The following KCND2 variants were observed in gnomAD, a reference collection of about 807,000 sequenced individuals.
The protein encoded by KCND2 is potassium voltage-gated channel subfamily D member 2.
A neutral mutation model predicts 54.4 loss-of-function variants in KCND2; 16 were observed. That is an observed-to-expected ratio of 0.29 (90% CI 0.20 to 0.45). The LOEUF (loss-of-function observed/expected upper bound fraction) is 0.45. Among genes scored for constraint, KCND2 ranks in the 20% least tolerant of loss-of-function variants. KCND2 has a pLI of 1.00. For missense variants in KCND2, 486 were observed against 824.2 expected, an observed-to-expected ratio of 0.59 and a Z score of 5.02; for synonymous variants, 317 against 310.7, an observed-to-expected ratio of 1.02 and a Z score of -0.21.
At chr7:120,356,940 T>C (rs1800514743) in intron 1 of KCND2, among the ~76,000 whole-genome samples, 1 of 152,140 alleles carries the variant, frequency 6.6e-6, no homozygotes, top group African/African-American at 2.4e-5. Context: ...ACCATGTGCA[T>C]AGGTATTATT....
At chr7:120,284,619 T>G (rs1160839797) in intron 1 of KCND2, among the ~76,000 whole-genome samples, 1 of 152,156 alleles carries the variant, frequency 6.6e-6, no homozygotes, top group Non-Finnish European at 1.5e-5. Context: ...GTCATGGAAT[T>G]TTGACTTGCT....
At chr7:120,686,848 A>T (rs1447306955) in intron 1 of KCND2, among the ~76,000 whole-genome samples, 2 of 152,140 alleles carry the variant, frequency 1.3e-5, no homozygotes, top group African/African-American at 4.8e-5. Context: ...GCTTGAGTCC[A>T]TTACCCAGCT....
intron 1 of KCND2, among the ~76,000 whole-genome samples, chr7:120,499,329 TAATA>T (rs1475531861): frequency 1.2e-4 from 18 of 152,110 alleles, no homozygotes; most frequent in Non-Finnish European, 1.3e-4. Context: ...ATAAAACAAA[TAATA>T]AATCATTTGT....
At chr7:120,283,941 T>G (rs1022421480) in intron 1 of KCND2, among the ~76,000 whole-genome samples, 1 of 152,136 alleles carries the variant, frequency 6.6e-6, no homozygotes, top group African/African-American at 2.4e-5. Context: ...GAGACCATGT[T>G]TATAGCAGAT....
At chr7:120,689,160 C>T (rs1286582438) in intron 1 of KCND2, among the ~76,000 whole-genome samples, 1 of 151,830 alleles carries the variant, frequency 6.6e-6, no homozygotes, top group Non-Finnish European at 1.5e-5. Context: ...AGTAGTGGGC[C>T]GAATTTGGAT....
chr7:120,392,926 GAATA>G (rs1268523434), intron 1 of KCND2, among the ~76,000 whole-genome samples: 4 of 151,936 alleles, frequency 2.6e-5, no homozygotes, highest in African/African-American at 7.2e-5. Flanking sequence ...CTAGCATTAA[GAATA>G]TATATTTAAA....
At chr7:120,311,786 A>G (rs1356602316) in intron 1 of KCND2, among the ~76,000 whole-genome samples, 1 of 152,056 alleles carries the variant, frequency 6.6e-6, no homozygotes, top group Non-Finnish European at 1.5e-5. Flanking sequence ...TTTTCTCATC[A>G]TTTAGCTTCC....
chr7:120,337,346 T>C (rs1281841743), intron 1 of KCND2, among the ~76,000 whole-genome samples: 4 of 152,168 alleles, frequency 2.6e-5, no homozygotes, highest in East Asian at 1.9e-4. Flanking sequence ...AATCTCCTAT[T>C]CAAGCAAAGA....
Position 120,410,907 on chromosome 7 carries a change from T to A in KCND2, c.1115+135160T>A, listed in dbSNP as rs575599484. ...TTTTTTATGGCTGCATAGCATTCCA[T>A]GGTGTATATGTGCCACATTTTCTTA... On this transcript the variant is annotated intron_variant, in intron 1 of 5. Transcript: ENST00000331113. Among the ~76,000 whole-genome samples the A allele has an allele frequency of 4.6e-5, 7 of 152,096 alleles. No homozygotes were observed. In the South Asian group the frequency reaches 1.5e-3, roughly 32 times the overall value.
chr7:120,363,136 A>G lies in KCND2; in HGVS notation c.1115+87389A>G, dbSNP rs139204614. ...GGAAACACTGTGAGACCTTGTCTCT[A>G]CAAAAATATGTTAGCCAGGTATGGT... is the stretch of plus-strand genomic sequence containing the variant. On this transcript the variant is annotated intron_variant, in intron 1 of 5. Coordinates refer to ENST00000331113, the MANE Select transcript of KCND2 (RefSeq NM_012281.3). Among the ~76,000 whole-genome samples, 3 of 152,170 alleles carry G rather than the reference A, an allele frequency of 2.0e-5. No individual in the cohort carries two copies. The East Asian group carries it at 5.8e-4, about 30-fold the overall frequency.
chr7:120,523,702 CTCTGTGTGTGTGTGTG>C (rs1385371979), intron 1 of KCND2, among the ~76,000 whole-genome samples: 1 of 111,032 alleles, frequency 9.0e-6, no homozygotes, highest in Non-Finnish European at 1.7e-5. Flanking sequence ...CACACACACA[CTCTGTGTGTGTGTGTG>C]TGTGTGTGTG....
chr7:120,628,655 A>C (rs1793190957), intron 1 of KCND2, among the ~76,000 whole-genome samples: 1 of 152,210 alleles, frequency 6.6e-6, no homozygotes, highest in Non-Finnish European at 1.5e-5. Flanking sequence ...ATCAGAGCTA[A>C]CTATGTCCCT....
chr7:120,345,775 T>C (rs1384573546), intron 1 of KCND2, among the ~76,000 whole-genome samples: 1 of 152,210 alleles, frequency 6.6e-6, no homozygotes, highest in African/African-American at 2.4e-5. Flanking sequence ...CTTTCACATT[T>C]TGGTGATGGT....
At chr7:120,352,355 T>G (rs1338382147) in intron 1 of KCND2, among the ~76,000 whole-genome samples, 1 of 151,856 alleles carries the variant, frequency 6.6e-6, no homozygotes, top group Admixed American at 6.6e-5. Context: ...CCCAAATACA[T>G]ACATATGTAT....
chr7:120,457,993 G>A (rs1802224529), intron 1 of KCND2, among the ~76,000 whole-genome samples: 1 of 152,108 alleles, frequency 6.6e-6, no homozygotes, highest in African/African-American at 2.4e-5. Context: ...CTTCCTTATT[G>A]ATATGGTGGC....
At chr7:120,617,472 A>G (rs1170552364) in intron 1 of KCND2, among the ~76,000 whole-genome samples, 1 of 152,214 alleles carries the variant, frequency 6.6e-6, no homozygotes, top group African/African-American at 2.4e-5. Context: ...AAGGGCTATT[A>G]CTAAAGTCAA....
intron 1 of KCND2, among the ~76,000 whole-genome samples, chr7:120,723,196 G>A (rs939182802): frequency 2.0e-5 from 3 of 152,144 alleles, no homozygotes; most frequent in African/African-American, 4.8e-5. Flanking sequence ...TGCATCTTAG[G>A]GAAGCTGGTG....
intron 1 of KCND2, among the ~76,000 whole-genome samples, chr7:120,530,260 A>AT (rs1324260846): frequency 6.6e-6 from 1 of 152,164 alleles, no homozygotes; most frequent in East Asian, 1.9e-4. Context: ...TTGCATGCCT[A>AT]TGTCAAAATA....
intron 1 of KCND2, among the ~76,000 whole-genome samples, chr7:120,640,439 A>G (rs936102449): frequency 6.6e-6 from 1 of 152,210 alleles, no homozygotes. Context: ...AGTCTTGTTT[A>G]TCAACATTAT....
Sources: gnomAD v4.1 joint callset for allele counts (sites outside exome capture counted in the v4.1 genomes callset) on GRCh38, gnomAD v4.1.1 for gene constraint, MANE v1.5 for transcripts, NCBI Gene and HGNC (gene_info 2026-07-23, HGNC 2026-07-21) for gene names.